Variants in FAM229A observed in about 807,000 individuals in gnomAD.
The protein encoded by FAM229A is protein FAM229A.
FAM229A carries 9 observed loss-of-function variants against 10.0 expected under a neutral mutation model. That is an observed-to-expected ratio of 0.90 (90% CI 0.54 to 1.56). FAM229A has a LOEUF of 1.56. Ranked by LOEUF, FAM229A falls within the 40% of genes most tolerant of loss-of-function variation. FAM229A has a pLI of 0.00. For synonymous variants in FAM229A, 93 were observed against 90.1 expected, an observed-to-expected ratio of 1.03 and a Z score of -0.19; for missense variants, 196 against 197.6, an observed-to-expected ratio of 0.99 and a Z score of 0.05.
At position 32,361,704 on chromosome 1, in the gene FAM229A, AGGCGGGGGTGGGGCGCG is replaced by A; in HGVS notation, c.281+9_281+25del. 9.5e-7 allele frequency: 1 copy of A among 1,053,244 alleles called. No individual in the cohort carries two copies. Among genetic ancestry groups the A allele is most frequent in the South Asian group, 3.3e-5 (1 of 30,590 alleles). 65.2% of individuals were successfully genotyped at this position (1,053,244 alleles called of 1,614,324 possible). ...GAGGGCGGGGCCGCGGGACGGGCGG[AGGCGGGGGTGGGGCGCG>A]GGCCTTACCTGACCGGGTTGTGCTC... On this transcript the variant is annotated intron_variant, in intron 2 of 2. Transcript: ENST00000432622.
rs1032770200 is a variant in FAM229A at position 32,362,168 on chromosome 1, C to A, written c.-77G>T. ...GAGAACCCCCAACGGTGCCCCCTGC[C>A]GCCCCTGGCACTCAGCGCGGGCCAG... On this transcript the variant is annotated 5_prime_UTR_variant, in exon 1 of 3. Coordinates refer to ENST00000432622, the MANE Select transcript of FAM229A (RefSeq NM_001167676.2). The A allele has an allele frequency of 4.6e-6, 6 of 1,294,906 alleles. No individual in the cohort carries two copies. In the African/African-American group the frequency reaches 9.3e-5, roughly 20 times the overall value. The allele number at this position is 1,294,906 out of a possible 1,614,324, so 80.2% of individuals were successfully genotyped here.
In FAM229A at chr1:32,361,939, C is replaced by T. The variant is rs767058877; in HGVS notation, c.134+19G>A. 3 of 1,442,040 alleles carry T rather than the reference C, an allele frequency of 2.1e-6. No homozygotes were observed. Among genetic ancestry groups the T allele is most frequent in the African/African-American group, 1.5e-5 (1 of 67,188 alleles). The allele number at this position is 1,442,040 out of a possible 1,614,324, so 89.3% of individuals were successfully genotyped here. On this transcript the variant is annotated intron_variant, in intron 1 of 2. Coordinates refer to ENST00000432622, the MANE Select transcript of FAM229A (RefSeq NM_001167676.2). ...CCGGGCGCCGCCGCCTCGCGCCCGCCCCCTGGGCCGTCGCTCACCTCCCGG... is the reference window on the plus strand; with the variant it reads ...CCGGGCGCCGCCGCCTCGCGCCCGCTCCCTGGGCCGTCGCTCACCTCCCGG...
Position 32,361,467 on chromosome 1 carries a change from G to A in FAM229A, c.350C>T (p.Ala117Val). 1 of 1,378,068 alleles carries A rather than the reference G, an allele frequency of 7.3e-7. No individual in the cohort carries two copies. Among genetic ancestry groups the A allele is most frequent in the Admixed American group, 3.4e-5 (1 of 29,268 alleles). The allele number at this position is 1,378,068 out of a possible 1,614,324, so 85.4% of individuals were successfully genotyped here. Residue 117 changes from alanine (A) to valine (V), a missense_variant, in exon 3 of 3, where the codon GCC (alanine) becomes GTC (valine). By Grantham distance (64) the Ala-to-Val change is moderately conservative (BLOSUM62 0). Coordinates refer to ENST00000432622, the MANE Select transcript of FAM229A (RefSeq NM_001167676.2). The part of the protein sequence containing the change: ...LLHVPIDVYL[A>V]MGGSPRARAT Reference sequence around the variant, plus strand: ...GCGGGCCCGGGGGCTCCCGCCCATGGCGAGGTAGACGTCGATGGGCACGTG... The same window carrying A: ...GCGGGCCCGGGGGCTCCCGCCCATGACGAGGTAGACGTCGATGGGCACGTG...
In FAM229A at chr1:32,361,468, C is replaced by T. The variant is rs1641700738; in HGVS notation, c.349G>A (p.Ala117Thr). Residue 117 changes from alanine (A) to threonine (T), a missense_variant, in exon 3 of 3, where the codon GCC becomes ACC. Ala to Thr is a moderately conservative substitution (Grantham distance 58). Transcript: ENST00000432622. ...CGGGCCCGGGGGCTCCCGCCCATGG[C>T]GAGGTAGACGTCGATGGGCACGTGC... The part of the protein sequence containing the change: ...LLHVPIDVYL[A>T]MGGSPRARAT 1.5e-6 allele frequency: 2 copies of T among 1,377,646 alleles called. No individual in the cohort carries two copies. The highest frequency in any genetic ancestry group is 1.5e-5 in the African/African-American group (1 of 65,608). The allele number at this position is 1,377,646 out of a possible 1,614,324, so 85.3% of individuals were successfully genotyped here.
At position 32,361,324 on chromosome 1, in the gene FAM229A, T is replaced by A. The variant is rs2148094672; in HGVS notation, c.*109A>T. On this transcript the variant is annotated 3_prime_UTR_variant, in exon 3 of 3. Transcript: ENST00000432622. ...TAAAATGTGCATCATTCTTTTATTT[T>A]AAAATGTGCATCATTGTCTCGTGCT... 1 of 485,356 alleles carries A rather than the reference T, an allele frequency of 2.1e-6. No individual in the cohort carries two copies. Among genetic ancestry groups the A allele is most frequent in the East Asian group, 3.6e-5 (1 of 28,114 alleles). 30.1% of individuals were successfully genotyped at this position (485,356 alleles called of 1,614,324 possible).
chr1:32,361,416 G>C lies in FAM229A; in HGVS notation c.*17C>G. The C allele has an allele frequency of 1.6e-6, 2 of 1,271,346 alleles. No individual in the cohort carries two copies. Among genetic ancestry groups the C allele is most frequent in the Non-Finnish European group, 2.0e-6 (2 of 1,001,500 alleles). 78.8% of individuals were successfully genotyped at this position (1,271,346 alleles called of 1,614,324 possible). A position where few individuals can be genotyped will look rare whatever the true frequency, so the allele number is the denominator to read the frequency against. The stretch of plus-strand genomic sequence containing the variant: ...GTTCCCGCCCAGCTCCCGCGGAGCC[G>C]CAGGGAGCAGGCGCACTCACGTGGC... On this transcript the variant is annotated 3_prime_UTR_variant, in exon 3 of 3. Transcript: ENST00000432622.
In FAM229A at chr1:32,362,204, T is replaced by A. The variant is rs551630866; in HGVS notation, c.-113A>T. The stretch of plus-strand genomic sequence containing the variant: ...CTCAGCGCGGGCCAGAATCGGGGAC[T>A]GGAGGCCTCTGGCCATGGCGCCTGG... On this transcript the variant is annotated 5_prime_UTR_variant, in exon 1 of 3. Transcript: ENST00000432622. 7.9e-7 allele frequency: 1 copy of A among 1,260,406 alleles called. No homozygotes were observed. The highest frequency in any genetic ancestry group is 1.6e-5 in the African/African-American group (1 of 64,132). 78.1% of individuals were successfully genotyped at this position (1,260,406 alleles called of 1,614,324 possible).
At position 32,361,965 on chromosome 1, in the gene FAM229A, C is replaced by G; in HGVS notation, c.127G>C (p.Ala43Pro). ...AASSLGPVST[A>P]GRAPRGLDMS... Reference sequence around the variant, plus strand: ...CCCTGGGCCGTCGCTCACCTCCCGGCGGTTGAGACCGGTCCCAGGCTAGAA... The same window carrying G: ...CCCTGGGCCGTCGCTCACCTCCCGGGGGTTGAGACCGGTCCCAGGCTAGAA... The change falls in exon 1 of 3, where the codon GCC becomes CCC. Residue 43 changes from alanine (A) to proline (P), a missense_variant. Transcript: ENST00000432622. 6.8e-7 allele frequency: 1 copy of G among 1,472,400 alleles called. No homozygotes were observed. The allele number at this position is 1,472,400 out of a possible 1,614,324, so 91.2% of individuals were successfully genotyped here.
At position 32,361,747 on chromosome 1, in the gene FAM229A, C is replaced by G. The variant is rs1238297841; in HGVS notation, c.264G>C (p.Thr88=). The change falls in exon 2 of 3, where the codon ACG becomes ACC. Residue 88 remains threonine, a synonymous_variant. Transcript: ENST00000432622. The part of the protein sequence containing the change: ...ESQDSPEAVA[T]EHNPVRPLRR... Reference sequence around the variant, plus strand: ...GGCCTTACCTGACCGGGTTGTGCTCCGTCGCTACCGCCTCCGGGCTGTCCT... The same window carrying G: ...GGCCTTACCTGACCGGGTTGTGCTCGGTCGCTACCGCCTCCGGGCTGTCCT... 1 of 1,311,040 alleles carries G rather than the reference C, an allele frequency of 7.6e-7. No homozygotes were observed. The highest frequency in any genetic ancestry group is 9.7e-7 in the Non-Finnish European group (1 of 1,031,212). 81.2% of individuals were successfully genotyped at this position (1,311,040 alleles called of 1,614,324 possible). A position where few individuals can be genotyped will look rare whatever the true frequency, so the allele number is the denominator to read the frequency against.
rs1271068449 is a variant in FAM229A at position 32,362,055 on chromosome 1, TGGCGTGCCCGGGCCCG to T, written c.21_36del (p.Gly8GlnfsTer40). On this transcript the variant is annotated frameshift_variant, in exon 1 of 3. Coordinates refer to ENST00000432622, the MANE Select transcript of FAM229A (RefSeq NM_001167676.2). LOFTEE classifies it high-confidence loss of function. ...CCAGGCGGAGCCGGGCAGGTCTCTG[TGGCGTGCCCGGGCCCG>T]GGCGTCGAGGAGGGCAGCATTGTGA... 31 of 1,448,298 alleles carry T rather than the reference TGGCGTGCCCGGGCCCG, an allele frequency of 2.1e-5. No homozygotes were observed. Among genetic ancestry groups the T allele is most frequent in the Non-Finnish European group, 2.5e-5 (28 of 1,107,496 alleles). 89.7% of individuals were successfully genotyped at this position (1,448,298 alleles called of 1,614,324 possible). A position where few individuals can be genotyped will look rare whatever the true frequency, so the allele number is the denominator to read the frequency against.
chr1:32,361,795 G>A lies in FAM229A; in HGVS notation c.216C>T (p.Gly72=). The A allele has an allele frequency of 1.5e-6, 2 of 1,327,558 alleles. No individual in the cohort carries two copies. The highest frequency in any genetic ancestry group is 9.6e-7 in the Non-Finnish European group (1 of 1,041,614). 82.2% of individuals were successfully genotyped at this position (1,327,558 alleles called of 1,614,324 possible). Residue 72 remains glycine (G), a synonymous_variant, in exon 2 of 3, where the codon GGC becomes GGT. Transcript: ENST00000432622. ...RFPIEAGDSR[G]LAAAPESQDS... ...CCTGGGACTCGGGGGCGGCGGCAAG[G>A]CCACGGGAGTCTCCGGCCTCAATGG...
In FAM229A at chr1:32,361,784, G is replaced by A. The variant is rs201679382; in HGVS notation, c.227C>T (p.Ala76Val). Residue 76 changes from alanine to valine, a missense_variant, in exon 2 of 3, where the codon GCC becomes GTC. Transcript: ENST00000432622. ...CTCCGGGCTGTCCTGGGACTCGGGGGCGGCGGCAAGGCCACGGGAGTCTCC... is the reference window on the plus strand; with the variant it reads ...CTCCGGGCTGTCCTGGGACTCGGGGACGGCGGCAAGGCCACGGGAGTCTCC... Reference protein sequence around the residue: ...EAGDSRGLAAAPESQDSPEAV... With the variant: ...EAGDSRGLAAVPESQDSPEAV... 6.2e-4 allele frequency: 821 copies of A among 1,324,002 alleles called. 4 individuals are homozygous for A. Among genetic ancestry groups the A allele is most frequent in the South Asian group, 3.5e-3 (174 of 49,554 alleles). 82.0% of individuals were successfully genotyped at this position (1,324,002 alleles called of 1,614,324 possible).
Position 32,362,410 on chromosome 1 carries a change from T to A in FAM229A, c.-319A>T. On this transcript the variant is annotated 5_prime_UTR_variant, in exon 1 of 3. Transcript: ENST00000432622. ...CACGGGGGCGGGCTCGGCGGTGACT[T>A]AATCCGGGCTGAGTTTGGTGGTGGT... 4.1e-6 allele frequency: 2 copies of A among 484,308 alleles called. No individual in the cohort carries two copies. Among genetic ancestry groups the A allele is most frequent in the Non-Finnish European group, 3.6e-6 (1 of 279,802 alleles). 30.0% of individuals were successfully genotyped at this position (484,308 alleles called of 1,614,324 possible).
Position 32,362,422 on chromosome 1 carries a change from A to G in FAM229A, c.-331T>C, listed in dbSNP as rs1161242973. 2 of 486,756 alleles carry G rather than the reference A, an allele frequency of 4.1e-6. No individual in the cohort carries two copies. Among genetic ancestry groups the G allele is most frequent in the Non-Finnish European group, 7.1e-6 (2 of 280,508 alleles). 30.2% of individuals were successfully genotyped at this position (486,756 alleles called of 1,614,324 possible). A position where few individuals can be genotyped will look rare whatever the true frequency, so the allele number is the denominator to read the frequency against. On this transcript the variant is annotated 5_prime_UTR_variant, in exon 1 of 3. Transcript: ENST00000432622. ...CTCGGCGGTGACTTAATCCGGGCTG[A>G]GTTTGGTGGTGGTAGTGAGGGCAGG...
Position 32,361,884 on chromosome 1 carries a change from G to C in FAM229A, c.135-8C>G, listed in dbSNP as rs377086448. 94 of 1,345,652 alleles carry C rather than the reference G, an allele frequency of 7.0e-5. No homozygotes were observed. Among genetic ancestry groups the C allele is most frequent in the South Asian group, 6.5e-4 (36 of 55,038 alleles). 83.4% of individuals were successfully genotyped at this position (1,345,652 alleles called of 1,614,324 possible). ...TCCAAGCCCCGGGGCGCTCTGCGCGGGGAGTGGCGGTCAGGCCTCTCCCGG... is the reference window on the plus strand; with the variant it reads ...TCCAAGCCCCGGGGCGCTCTGCGCGCGGAGTGGCGGTCAGGCCTCTCCCGG... On this transcript the variant is annotated splice_region_variant and splice_polypyrimidine_tract_variant and intron_variant, in intron 1 of 2. Coordinates refer to ENST00000432622, the MANE Select transcript of FAM229A (RefSeq NM_001167676.2).
chr1:32,361,489 C>T lies in FAM229A; in HGVS notation c.328G>A (p.Val110Met), dbSNP rs1329029532. ...PGCHCLTLLH[V>M]PIDVYLAMGG... ...ATGGCGAGGTAGACGTCGATGGGCA[C>T]GTGCAGCAGCGTCAGGCAGTGGCAT... Residue 110 changes from valine (V) to methionine (M), a missense_variant, in exon 3 of 3, where the codon GTG (valine) becomes ATG (methionine). Val to Met is a conservative substitution (Grantham distance 21). Coordinates refer to ENST00000432622, the MANE Select transcript of FAM229A (RefSeq NM_001167676.2). 1.5e-5 allele frequency: 20 copies of T among 1,377,644 alleles called. No individual in the cohort carries two copies. Among genetic ancestry groups the T allele is most frequent in the Admixed American group, 7.0e-5 (2 of 28,532 alleles). The allele number at this position is 1,377,644 out of a possible 1,614,324, so 85.3% of individuals were successfully genotyped here. A position where few individuals can be genotyped will look rare whatever the true frequency, so the allele number is the denominator to read the frequency against.
At position 32,361,524 on chromosome 1, in the gene FAM229A, C is replaced by T; in HGVS notation, c.293G>A (p.Arg98His). 3.7e-6 allele frequency: 5 copies of T among 1,357,262 alleles called. No homozygotes were observed. The highest frequency in any genetic ancestry group is 1.7e-5 in the South Asian group (1 of 59,246). The allele number at this position is 1,357,262 out of a possible 1,614,324, so 84.1% of individuals were successfully genotyped here. A position where few individuals can be genotyped will look rare whatever the true frequency, so the allele number is the denominator to read the frequency against. Reference sequence around the variant, plus strand: ...CGTCAGGCAGTGGCATCCAGGGCAGCGACGAAGCGGCCTGGGGAAATTGAC... The same window carrying T: ...CGTCAGGCAGTGGCATCCAGGGCAGTGACGAAGCGGCCTGGGGAAATTGAC... Reference protein sequence around the residue: ...TEHNPVRPLRRCPGCHCLTLL... With the variant: ...TEHNPVRPLRHCPGCHCLTLL... Residue 98 changes from arginine to histidine, a missense_variant, in exon 3 of 3, where the codon CGC becomes CAC. Transcript: ENST00000432622.
Position 32,362,002 on chromosome 1 carries a change from A to G in FAM229A, c.90T>C (p.Ala30=). ...GTCCCAGGCTAGAAGCAGCTGCCGG[A>G]GCCCTGGCCGCGGGAGAACGCTCCG... The part of the protein sequence containing the change: ...PGPERSPAAR[A]PAAASSLGPV... Residue 30 remains alanine (A), a synonymous_variant, in exon 1 of 3, where the codon GCT becomes GCC. Coordinates refer to ENST00000432622, the MANE Select transcript of FAM229A (RefSeq NM_001167676.2). The G allele has an allele frequency of 6.7e-7, 1 of 1,484,332 alleles. No individual in the cohort carries two copies. Among genetic ancestry groups the G allele is most frequent in the East Asian group, 2.9e-5 (1 of 34,322 alleles). 91.9% of individuals were successfully genotyped at this position (1,484,332 alleles called of 1,614,324 possible).
In FAM229A at chr1:32,362,399, C is replaced by T. The variant is rs992223434; in HGVS notation, c.-308G>A. ...TCAATGCCTGGCACGGGGGCGGGCT[C>T]GGCGGTGACTTAATCCGGGCTGAGT... On this transcript the variant is annotated 5_prime_UTR_variant, in exon 1 of 3. Transcript: ENST00000432622. 3.6e-5 allele frequency: 17 copies of T among 477,522 alleles called. No individual in the cohort carries two copies. Among genetic ancestry groups the T allele is most frequent in the African/African-American group, 3.1e-4 (16 of 50,974 alleles). The allele number at this position is 477,522 out of a possible 1,614,324, so 29.6% of individuals were successfully genotyped here.
Sources: gnomAD v4.1 joint callset for allele counts on GRCh38, gnomAD v4.1.1 for gene constraint, MANE v1.5 for transcripts, NCBI Gene and HGNC (gene_info 2026-07-23, HGNC 2026-07-21) for gene names.